The following IGFN1 variants were observed in gnomAD, a reference collection of about 807,000 sequenced individuals.
The protein encoded by IGFN1 is immunoglobulin like and fibronectin type III domain containing 1.
Under a neutral mutation model 289.5 loss-of-function variants are expected in IGFN1, and 253 were observed. The ratio of observed to expected loss-of-function variants is 0.87; its 90% CI spans 0.79 to 0.97. IGFN1 has a LOEUF of 0.97. IGFN1 is among the 50% of genes least tolerant of loss of function. The probability of loss-of-function intolerance (pLI) is 0.00; values close to 1 mark genes in which losing one functional copy is unlikely to be tolerated. For synonymous variants in IGFN1, 1,706 were observed against 1,788.5 expected, an observed-to-expected ratio of 0.95 and a Z score of 1.16; for missense variants, 4,470 against 4,686.1, an observed-to-expected ratio of 0.95 and a Z score of 1.35.
intron 18 of IGFN1, among the ~76,000 whole-genome samples, chr1:201,219,516 C>T (rs1653569552): frequency 6.6e-6 from 1 of 152,194 alleles, no homozygotes; most frequent in Admixed American, 6.5e-5. Flanking sequence ...AACCTTGATC[C>T]AAATCTAGCT....
intron 13 of IGFN1, 68 bp downstream of exon 13, chr1:201,214,369 A>G: frequency 1.4e-6 from 2 of 1,474,606 alleles, no homozygotes; most frequent in South Asian, 2.7e-5. Context: ...GAGGGGCAAG[A>G]GCGTAGAGGC....
chr1:201,201,052 C>T (rs954316849), intron 8 of IGFN1, among the ~76,000 whole-genome samples: 4 of 152,034 alleles, frequency 2.6e-5, no homozygotes, highest in Admixed American at 6.5e-5. Flanking sequence ...AGGATGATCT[C>T]GATCTCCTGA....
rs748460676 is a variant in IGFN1, at chr1:201,221,665, G to A, written c.10120G>A (p.Val3374Met). 41 of 1,613,994 alleles carry A rather than the reference G, an allele frequency of 2.5e-5. No individual in the cohort carries two copies. The highest frequency in any genetic ancestry group is 6.6e-5 in the South Asian group (6 of 91,076). The stretch of plus-strand genomic sequence containing the variant: ...GCTTCGGCCTGGAGAGGGCTACTTC[G>A]TGCGGGTGACAGCAGTTAATGAAGG... ...KGLRPGEGYFVRVTAVNEGGQ... is the reference protein window; with the variant it reads ...KGLRPGEGYFMRVTAVNEGGQ... The change falls in exon 19 of 24, where the codon GTG becomes ATG. Residue 3374 changes from valine (V) to methionine (M), a missense_variant. Around this residue, in one of 8 missense-constraint regions of IGFN1, gnomAD observed 2,218 missense variants for 2,114.1 expected, o/e 1.05. Coordinates refer to ENST00000335211, the MANE Select transcript of IGFN1 (RefSeq NM_001164586.2).
intron 18 of IGFN1, among the ~76,000 whole-genome samples, chr1:201,220,649 C>T (rs541319814): frequency 4.6e-5 from 7 of 152,376 alleles, no homozygotes; most frequent in African/African-American, 1.7e-4. Context: ...GAATCTCAGG[C>T]CTCACCCCAG....
At chr1:201,196,646 G>A (rs1204827656) in intron 4 of IGFN1, among the ~76,000 whole-genome samples, 5 of 152,212 alleles carry the variant, frequency 3.3e-5, no homozygotes, top group African/African-American at 4.8e-5. Flanking sequence ...CGCCTGGCCA[G>A]GAGTTGTTAT....
intron 15 of IGFN1, 79 bp from the exon 16 acceptor site, chr1:201,216,375 G>A: frequency 8.8e-7 from 1 of 1,134,576 alleles, no homozygotes; most frequent in Non-Finnish European, 1.2e-6. Context: ...CGGGGTGGCG[G>A]GGAGTTGGGG....
intron 8 of IGFN1, 65 bp downstream of exon 8, chr1:201,200,476 C>G: frequency 7.6e-7 from 1 of 1,315,486 alleles, no homozygotes; most frequent in Non-Finnish European, 1.1e-6. Context: ...ATAGGTGCCT[C>G]ACACCTGGAG....
At chr1:201,216,783 G>C in intron 16 of IGFN1, 30 bp downstream of exon 16, 2 of 1,554,852 alleles carry the variant, frequency 1.3e-6, no homozygotes, top group Non-Finnish European at 1.7e-6. Context: ...CTGGGGGTGG[G>C]GGACACTCCT....
At position 201,226,755 on chromosome 1, in the gene IGFN1, A is replaced by C. The variant is rs996114458; in HGVS notation, c.10787-127A>C. On this transcript the variant is annotated intron_variant, in intron 22 of 23. Transcript: ENST00000335211. ...AGCCTTGGGGTCCAAATTTGCAGGC[A>C]AGATGTGGCAGGAAATCCCAGATAA... 4.1e-6 allele frequency: 3 copies of C among 739,744 alleles called. No individual in the cohort carries two copies. In the Admixed American group the frequency reaches 7.6e-5, roughly 19 times the overall value. The allele number at this position is 739,744 out of a possible 1,614,324, so 45.8% of individuals were successfully genotyped here. A position where few individuals can be genotyped will look rare whatever the true frequency, so the allele number is the denominator to read the frequency against.
intron 13 of IGFN1, among the ~76,000 whole-genome samples, 157 bp downstream of exon 13, chr1:201,214,458 G>A (rs1558152793): frequency 6.6e-6 from 1 of 152,194 alleles, no homozygotes; most frequent in Non-Finnish European, 1.5e-5. Context: ...ATAACTTGGT[G>A]TGTTTAAAAT....
rs1460551694 is a variant in IGFN1, at chr1:201,212,048, C to A, written c.7155C>A (p.Ala2385=). ...AGGCTGGACCCAGAGGCCATAAAGC[C>A]ATGGGTCACAGGTCAGGATATTGGG... is the stretch of plus-strand genomic sequence containing the variant. The part of the protein sequence containing the change: ...GHEAGPRGHK[A]MGHRSGYWVA... The change falls in exon 12 of 24, where the codon GCC becomes GCA. Residue 2385 remains alanine (A), a synonymous_variant. Transcript: ENST00000335211. 6.5e-7 allele frequency: 1 copy of A among 1,536,222 alleles called. No individual in the cohort carries two copies. The highest frequency in any genetic ancestry group is 8.7e-7 in the Non-Finnish European group (1 of 1,146,746).
intron 4 of IGFN1, among the ~76,000 whole-genome samples, chr1:201,196,417 T>C (rs1041162004): frequency 6.6e-6 from 1 of 152,214 alleles, no homozygotes; most frequent in Non-Finnish European, 1.5e-5. Context: ...TGATCTTGGT[T>C]CTCTGCAACC....
At chr1:201,217,672 C>G (rs1333146408) in intron 17 of IGFN1, among the ~76,000 whole-genome samples, 2 of 152,194 alleles carry the variant, frequency 1.3e-5, no homozygotes, top group Non-Finnish European at 2.9e-5. Flanking sequence ...AAACCTCCTA[C>G]AGTATACAGG....
chr1:201,206,602 G>T lies in IGFN1; in HGVS notation c.1709G>T (p.Gly570Val). 1 of 1,546,300 alleles carries T rather than the reference G, an allele frequency of 6.5e-7. No homozygotes were observed. Among genetic ancestry groups the T allele is most frequent in the Non-Finnish European group, 8.7e-7 (1 of 1,146,950 alleles). Residue 570 changes from glycine (G) to valine (V), a missense_variant, in exon 12 of 24, where the codon GGA (glycine) becomes GTA (valine). Gly to Val is a moderately radical substitution (Grantham distance 109). Coordinates refer to ENST00000335211, the MANE Select transcript of IGFN1 (RefSeq NM_001164586.2). ...EAGSSRLQAG[G>V]LGSSREGKEH... ...GGGTCCAGTCGGCTTCAGGCTGGAG[G>T]ACTGGGGAGCAGCAGGGAAGGAAAG...
intron 14 of IGFN1, 49 bp from the exon 15 acceptor site, chr1:201,215,490 C>T: frequency 6.8e-7 from 1 of 1,473,326 alleles, no homozygotes; most frequent in South Asian, 1.4e-5. Flanking sequence ...CTATATTCCC[C>T]AGGTGCCCAG....
In IGFN1 at chr1:201,221,558, T is replaced by C. The variant is rs1236352982; in HGVS notation, c.10013T>C (p.Val3338Ala). 1 of 1,614,056 alleles carries C rather than the reference T, an allele frequency of 6.2e-7. No homozygotes were observed. The highest frequency in any genetic ancestry group is 1.3e-5 in the African/African-American group (1 of 74,940). The change falls in exon 19 of 24, where the codon GTG becomes GCG. Residue 3338 changes from valine (V) to alanine (A), a missense_variant. Physicochemically the swap from Val to Ala is moderately conservative, Grantham distance 64. Coordinates refer to ENST00000335211, the MANE Select transcript of IGFN1 (RefSeq NM_001164586.2). ...GGGGATGAAGCCCAGGGGTATGTGGTGGAGCTGTGCAGCTCAGACAGTCTC... is the reference window on the plus strand; with the variant it reads ...GGGGATGAAGCCCAGGGGTATGTGGCGGAGCTGTGCAGCTCAGACAGTCTC... ...QEGDEAQGYV[V>A]ELCSSDSLQW...
At position 201,212,830 on chromosome 1, in the gene IGFN1, C is replaced by T. The variant is rs1667889879; in HGVS notation, c.7937C>T (p.Ala2646Val). The stretch of plus-strand genomic sequence containing the variant: ...AGCATAGATGCTGGGAAGCAGCCCG[C>T]AGGCTCCAGAGCTTCCGGTTCTCTG... Reference protein sequence around the residue: ...QGSIDAGKQPAGSRASGSLQE... With the variant: ...QGSIDAGKQPVGSRASGSLQE... Residue 2646 changes from alanine to valine, a missense_variant, in exon 12 of 24, where the codon GCA becomes GTA. This residue lies in a region of IGFN1 where 2,218 missense variants were observed against 2,114.1 expected (regional missense o/e 1.05). Transcript: ENST00000335211. 6.4e-7 allele frequency: 1 copy of T among 1,551,238 alleles called. No individual in the cohort carries two copies. The highest frequency in any genetic ancestry group is 8.7e-7 in the Non-Finnish European group (1 of 1,146,918).
chr1:201,199,851 A>T (rs1667071759), intron 7 of IGFN1, among the ~76,000 whole-genome samples, 197 bp downstream of exon 7: 1 of 152,192 alleles, frequency 6.6e-6, no homozygotes, highest in Non-Finnish European at 1.5e-5. Context: ...TGCCATTTCA[A>T]AGCTCTATAT....
At position 201,215,852 on chromosome 1, in the gene IGFN1, C is replaced by T. The variant is rs996720305; in HGVS notation, c.9295+14C>T. On this transcript the variant is annotated intron_variant, in intron 15 of 23. Coordinates refer to ENST00000335211, the MANE Select transcript of IGFN1 (RefSeq NM_001164586.2). ...TGCAAGTCATAGGTACCAGCCCTGT[C>T]TTCCCCCAACTAAGGCCTGAGAGTC... 6.2e-7 allele frequency: 1 copy of T among 1,604,732 alleles called. No homozygotes were observed. Among genetic ancestry groups the T allele is most frequent in the Non-Finnish European group, 8.5e-7 (1 of 1,176,016 alleles).
Sources: allele counts gnomAD v4.1 joint callset (sites outside exome capture counted in the v4.1 genomes callset), GRCh38; gene constraint gnomAD v4.1.1; regional missense constraint gnomAD v4.1.1; transcripts MANE v1.5; gene names NCBI Gene and HGNC (gene_info 2026-07-23, HGNC 2026-07-21).